Variants in PIP4P1 observed in about 807,000 individuals in gnomAD.
PIP4P1 encodes phosphatidylinositol-4,5-bisphosphate 4-phosphatase 1, also known as type 1 phosphatidylinositol 4,5-bisphosphate 4-phosphatase.
Under a neutral mutation model 32.3 loss-of-function variants are expected in PIP4P1, and 14 were observed. The observed-to-expected ratio is 0.43, with a 90% CI of 0.29 to 0.68. The LOEUF (loss-of-function observed/expected upper bound fraction) is 0.68, where lower values mean the gene tolerates loss of function less well. PIP4P1 is among the 30% of genes least tolerant of loss of function. PIP4P1 has a pLI of 0.15. For missense variants in PIP4P1, 289 were observed against 364.5 expected (o/e 0.79, Z 1.69); for synonymous variants, 132 against 137.9 (o/e 0.96, Z 0.30).
At chr14:20,459,487 C>T (rs1594418850) in intron 4 of PIP4P1, 47 bp from the exon 5 acceptor site, 2 of 1,609,650 alleles carry the variant, frequency 1.2e-6, no homozygotes, top group East Asian at 2.2e-5. Flanking sequence ...GGGTCTCCCT[C>T]AATGAGAACC....
chr14:20,460,333 C>A, intron 2 of PIP4P1, 35 bp from the exon 3 acceptor site: 1 of 1,495,178 alleles, frequency 6.7e-7, no homozygotes, highest in Non-Finnish European at 9.3e-7. Flanking sequence ...AAGCAAACCT[C>A]TAATCCCAAT....
In PIP4P1 at chr14:20,461,369, C is replaced by G. The variant is rs1196499434; in HGVS notation, c.-44G>C. On this transcript the variant is annotated 5_prime_UTR_variant, in exon 1 of 7. Coordinates refer to ENST00000250489, the MANE Select transcript of PIP4P1 (RefSeq NM_144568.4). ...CCGCTCAGGTCGGCGATCCGGCTCC[C>G]TTCGCCTCTGCCGTCGCCGCAGCCA... 9 of 1,251,522 alleles carry G rather than the reference C, an allele frequency of 7.2e-6. No individual in the cohort carries two copies. Among genetic ancestry groups the G allele is most frequent in the African/African-American group, 1.5e-5 (1 of 64,874 alleles). 77.5% of individuals were successfully genotyped at this position (1,251,522 alleles called of 1,614,324 possible). A position where few individuals can be genotyped will look rare whatever the true frequency, so the allele number is the denominator to read the frequency against.
intron 6 of PIP4P1, chr14:20,458,967 ATT>A (rs1367437024): frequency 3.0e-5 from 19 of 623,730 alleles, no homozygotes; most frequent in Non-Finnish European, 4.7e-5. Context: ...CAACTCTTAA[ATT>A]AAGAATTTCA....
chr14:20,459,490 T>G, intron 4 of PIP4P1, 50 bp from the exon 5 acceptor site: 2 of 1,608,548 alleles, frequency 1.2e-6, no homozygotes, highest in East Asian at 4.5e-5. Flanking sequence ...TCTCCCTCAA[T>G]GAGAACCTTG....
rs999498015 is a variant in PIP4P1, at chr14:20,459,705, G to T, written c.469C>A (p.His157Asn). Residue 157 changes from histidine to asparagine, a missense_variant, in exon 4 of 7, where the codon CAT becomes AAT. Around this residue, in one of 2 missense-constraint regions of PIP4P1, gnomAD observed 181 missense variants for 263.3 expected, o/e 0.69. Transcript: ENST00000250489. ...CKRIINLGPV[H>N]PGPLSPEPQP... The stretch of plus-strand genomic sequence containing the variant: ...GGTTCTGGACTCAGAGGTCCGGGAT[G>T]CACAGGCCCCAGGTTGATGATTCTT... The T allele has an allele frequency of 1.9e-6, 3 of 1,613,966 alleles. No homozygotes were observed. The African/African-American group carries it at 4.0e-5, about 22-fold the overall frequency.
In PIP4P1 at chr14:20,457,953, C is replaced by T. The variant is rs1256549698; in HGVS notation, c.*606G>A. 1 of 310,636 alleles carries T rather than the reference C, an allele frequency of 3.2e-6. No individual in the cohort carries two copies. The allele number at this position is 310,636 out of a possible 1,614,324, so 19.2% of individuals were successfully genotyped here. ...TACCCAGCCCAGTTAAATACTGCAA[C>T]TGGGGGGGTAAAAAAGGTCGGGAGG... is the stretch of plus-strand genomic sequence containing the variant. On this transcript the variant is annotated 3_prime_UTR_variant, in exon 7 of 7. Transcript: ENST00000250489.
At position 20,457,877 on chromosome 14, in the gene PIP4P1, A is replaced by G. The variant is rs1296033282; in HGVS notation, c.*682T>C. On this transcript the variant is annotated 3_prime_UTR_variant, in exon 7 of 7. Transcript: ENST00000250489. ...AAAGCGTAGAGTCATGACCTTATTT[A>G]TTTACAAGCACAGGATAAGTCCCTA... 8.5e-6 allele frequency: 3 copies of G among 352,642 alleles called. No homozygotes were observed. Among genetic ancestry groups the G allele is most frequent in the African/African-American group, 6.4e-5 (3 of 47,106 alleles). The allele number at this position is 352,642 out of a possible 1,614,324, so 21.8% of individuals were successfully genotyped here. A position where few individuals can be genotyped will look rare whatever the true frequency, so the allele number is the denominator to read the frequency against.
At chr14:20,461,015 T>C (rs1881685850) in intron 1 of PIP4P1, 169 bp downstream of exon 1, 3 of 1,249,990 alleles carry the variant, frequency 2.4e-6, no homozygotes, top group Non-Finnish European at 3.1e-6. Flanking sequence ...TAGGCTGTGG[T>C]CGCGATTACG....
chr14:20,460,434 G>A, intron 2 of PIP4P1, 136 bp from the exon 3 acceptor site: 1 of 778,860 alleles, frequency 1.3e-6, no homozygotes, highest in Non-Finnish European at 2.1e-6. Flanking sequence ...TATATCATGA[G>A]ATTTGCAAAT....
intron 1 of PIP4P1, 37 bp from the exon 2 acceptor site, chr14:20,460,882 A>G (rs376200034): frequency 2.8e-5 from 42 of 1,511,534 alleles, no homozygotes; most frequent in Non-Finnish European, 1.5e-5. Flanking sequence ...GGGATCACTT[A>G]CACCCCCACT....
chr14:20,459,857 G>A (rs751340670), intron 3 of PIP4P1, 124 bp from the exon 4 acceptor site: 2 of 709,938 alleles, frequency 2.8e-6, no homozygotes, highest in African/African-American at 3.6e-5. Context: ...CGACTTCTCT[G>A]TACTTAAGAT....
chr14:20,459,869 C>T, intron 3 of PIP4P1, 136 bp from the exon 4 acceptor site: 1 of 677,736 alleles, frequency 1.5e-6, no homozygotes. Flanking sequence ...ACTTAAGATA[C>T]TCTGTCCCCC....
Position 20,458,231 on chromosome 14 carries a change from G to T in PIP4P1, c.*328C>A, listed in dbSNP as rs1310903803. ...ACCCACCCCCACCCTGCCCTGGAAT[G>T]TGTAAGGGACAGGAATGGCTCTCAG... On this transcript the variant is annotated 3_prime_UTR_variant, in exon 7 of 7. Transcript: ENST00000250489. 17 of 477,800 alleles carry T rather than the reference G, an allele frequency of 3.6e-5. No homozygotes were observed. The highest frequency in any genetic ancestry group is 6.0e-5 in the East Asian group (1 of 16,734). 29.6% of individuals were successfully genotyped at this position (477,800 alleles called of 1,614,324 possible). A position where few individuals can be genotyped will look rare whatever the true frequency, so the allele number is the denominator to read the frequency against.
chr14:20,460,545 G>C, intron 2 of PIP4P1, 110 bp downstream of exon 2: 2 of 1,165,296 alleles, frequency 1.7e-6, no homozygotes, highest in Non-Finnish European at 2.4e-6. Context: ...CTGAAACCTG[G>C]GTATCATCAA....
At chr14:20,459,174 A>G in intron 6 of PIP4P1, 32 bp downstream of exon 6, 1 of 1,609,474 alleles carries the variant, frequency 6.2e-7, no homozygotes. Context: ...ATGAGGCTGC[A>G]GAATGAAAGA....
In PIP4P1 at chr14:20,461,339, G is replaced by A; in HGVS notation, c.-14C>T. 2.3e-6 allele frequency: 3 copies of A among 1,278,688 alleles called. No homozygotes were observed. The highest frequency in any genetic ancestry group is 3.3e-5 in the Admixed American group (1 of 30,270). 79.2% of individuals were successfully genotyped at this position (1,278,688 alleles called of 1,614,324 possible). A position where few individuals can be genotyped will look rare whatever the true frequency, so the allele number is the denominator to read the frequency against. ...ATCTGCCGCCATGGCCGCCACCGCC[G>A]CCTCCCGCTCAGGTCGGCGATCCGG... On this transcript the variant is annotated 5_prime_UTR_variant, in exon 1 of 7. Coordinates refer to ENST00000250489, the MANE Select transcript of PIP4P1 (RefSeq NM_144568.4).
At chr14:20,458,752 T>A (rs777938013) in intron 6 of PIP4P1, 50 bp from the exon 7 acceptor site, 1 of 1,580,634 alleles carries the variant, frequency 6.3e-7, no homozygotes, top group Non-Finnish European at 8.6e-7. Context: ...TTAATGTTGG[T>A]CTCCACTACC....
At chr14:20,459,334 C>T (rs753288766) in intron 5 of PIP4P1, 38 bp from the exon 6 acceptor site, 4 of 1,613,836 alleles carry the variant, frequency 2.5e-6, no homozygotes, top group Non-Finnish European at 3.4e-6. Flanking sequence ...CTTTCTATGG[C>T]CTTGTAGTTT....
intron 6 of PIP4P1, 59 bp downstream of exon 6, chr14:20,459,147 A>T: frequency 6.4e-7 from 1 of 1,558,954 alleles, no homozygotes; most frequent in Non-Finnish European, 8.8e-7. Flanking sequence ...CAGTTTCCCA[A>T]ATCTTAGCCT....
Sources: allele counts gnomAD v4.1 joint callset, GRCh38; gene constraint gnomAD v4.1.1; regional missense constraint gnomAD v4.1.1; transcripts MANE v1.5; gene names NCBI Gene and HGNC (gene_info 2026-07-23, HGNC 2026-07-21).